CENPP: variants seen among roughly 807,000 people sequenced by gnomAD.
The protein encoded by CENPP is centromere protein P.
Under a neutral mutation model 35.6 loss-of-function variants are expected in CENPP, and 24 were observed. That is an observed-to-expected ratio of 0.67 (90% CI 0.49 to 0.95). The LOEUF is 0.95. Ranked by LOEUF, CENPP falls within the 40% of genes least tolerant of loss-of-function variation. The pLI, the probability that CENPP is intolerant of heterozygous loss-of-function variation, is 0.00. For synonymous variants in CENPP, 120 were observed against 125.5 expected (o/e 0.96, Z 0.29); for missense variants, 332 against 345.3 (o/e 0.96, Z 0.31).
intron 5 of CENPP, chr9:92,517,442 G>T: frequency 5.0e-6 from 3 of 600,748 alleles, no homozygotes; most frequent in Non-Finnish European, 8.8e-6. Flanking sequence ...GTCAAATGTG[G>T]AATGTAATCT....
chr9:92,407,370 A>G (rs1291091775), intron 5 of CENPP, among the ~76,000 whole-genome samples: 2 of 152,196 alleles, frequency 1.3e-5, no homozygotes, highest in Non-Finnish European at 2.9e-5. Flanking sequence ...CCTATCAGAA[A>G]TAACATAGAT....
chr9:92,522,446 A>C, intron 5 of CENPP: 3 of 1,064,956 alleles, frequency 2.8e-6, no homozygotes, highest in Non-Finnish European at 3.9e-6. Context: ...TAATATAATA[A>C]CCTGGATTTT....
At chr9:92,493,580 T>G (rs896368808) in intron 5 of CENPP, 10 of 152,302 alleles carry the variant, frequency 6.6e-5, no homozygotes, top group African/African-American at 2.4e-4. Flanking sequence ...AGGACTTCTT[T>G]AGTGTATATG....
intron 5 of CENPP, among the ~76,000 whole-genome samples, chr9:92,444,487 G>A (rs569401637): frequency 5.9e-5 from 9 of 151,474 alleles, no homozygotes; most frequent in East Asian, 1.9e-4. Context: ...TGGACAAAAC[G>A]TTTTAATTTT....
chr9:92,503,678 T>C (rs998125344), intron 5 of CENPP, among the ~76,000 whole-genome samples: 2 of 152,240 alleles, frequency 1.3e-5, no homozygotes, highest in Admixed American at 1.3e-4. Context: ...CTGGCATATA[T>C]CTTTAGTGTC....
intron 6 of CENPP, among the ~76,000 whole-genome samples, chr9:92,611,818 C>T (rs1017461570): frequency 1.3e-5 from 2 of 152,236 alleles, no homozygotes; most frequent in Non-Finnish European, 2.9e-5. Context: ...CACCCTGGCC[C>T]GTGCCGTGTT....
At chr9:92,462,682 A>C (rs189024647) in intron 5 of CENPP, among the ~76,000 whole-genome samples, 1 of 152,360 alleles carries the variant, frequency 6.6e-6, no homozygotes, top group African/African-American at 2.4e-5. Flanking sequence ...TTTTAAAATA[A>C]ATAAACTAGG....
intron 5 of CENPP, among the ~76,000 whole-genome samples, chr9:92,598,177 G>T (rs533774378): frequency 2.0e-5 from 3 of 152,310 alleles, no homozygotes; most frequent in East Asian, 1.9e-4. Context: ...TTCTTTGGGG[G>T]TGTGGGTTTT....
intron 5 of CENPP, among the ~76,000 whole-genome samples, chr9:92,592,020 T>C (rs553713394): frequency 1.2e-3 from 176 of 152,138 alleles, no homozygotes; most frequent in African/African-American, 4.0e-3. Flanking sequence ...AACCTGCACA[T>C]TGTGCACATG....
intron 5 of CENPP, among the ~76,000 whole-genome samples, chr9:92,486,362 C>T (rs1265171833): frequency 6.6e-6 from 1 of 152,168 alleles, no homozygotes; most frequent in Middle Eastern, 3.2e-3. Context: ...TTCTAATGAA[C>T]TTATTTTATA....
chr9:92,496,252 T>A, intron 5 of CENPP: 2 of 1,510,938 alleles, frequency 1.3e-6, no homozygotes, highest in East Asian at 2.3e-5. Context: ...CTCTTATTAA[T>A]GACAAATGCA....
At chr9:92,440,158 A>G (rs1844349956) in intron 5 of CENPP, among the ~76,000 whole-genome samples, 1 of 152,122 alleles carries the variant, frequency 6.6e-6, no homozygotes. Context: ...CTCACCTCCC[A>G]TTAGTCACTT....
chr9:92,526,557 T>A (rs1848421670), intron 5 of CENPP, among the ~76,000 whole-genome samples: 1 of 147,394 alleles, frequency 6.8e-6, no homozygotes. Context: ...CCAAAATTAG[T>A]GGAAAAAAAG....
At chr9:92,412,975 C>CTTTTT (rs35323105) in intron 5 of CENPP, among the ~76,000 whole-genome samples, 4 of 45,244 alleles carry the variant, frequency 8.8e-5, no homozygotes, top group Non-Finnish European at 1.2e-4. Context: ...TGTAACTAAG[C>CTTTTT]TTTTTTTTTT....
rs957554570 is a variant in CENPP at position 92,386,430 on chromosome 9, A to G, written c.564+6571A>G. ...ATATTGATATGAATACATCAATTAT[A>G]TCAATTGTTCGTATGGTAGTTTCTT... On this transcript the variant is annotated intron_variant, in intron 5 of 7. Transcript: ENST00000375587. 1.2e-5 allele frequency: 7 copies of G among 600,404 alleles called. No individual in the cohort carries two copies. The African/African-American group carries it at 1.3e-4, about 11-fold the overall frequency. 37.2% of individuals were successfully genotyped at this position (600,404 alleles called of 1,614,324 possible).
At chr9:92,512,267 A>G (rs1847398629) in intron 5 of CENPP, 1 of 480,434 alleles carries the variant, frequency 2.1e-6, no homozygotes, top group South Asian at 3.8e-5. Context: ...CAGAATATAT[A>G]TTATATAACC....
rs1258029024 is a variant in CENPP, at chr9:92,476,361, C to A, written c.564+96502C>A. ...TGGATTTAAAAATCAAGAATGAATT[C>A]ATTAACTTAATAAATATCTTCATTT... On this transcript the variant is annotated intron_variant, in intron 5 of 7. Coordinates refer to ENST00000375587, the MANE Select transcript of CENPP (RefSeq NM_001012267.3). This position sits in a 1 kb window ranked among gnomAD's most constrained non-coding sequence, Gnocchi z 4.1. 6.6e-6 allele frequency among the ~76,000 whole-genome samples: 1 copy of A among 152,182 alleles called. No individual in the cohort carries two copies. Among genetic ancestry groups the A allele is most frequent in the Non-Finnish European group, 1.5e-5 (1 of 68,030 alleles).
intron 5 of CENPP, among the ~76,000 whole-genome samples, chr9:92,388,211 T>G (rs1023998526): frequency 2.0e-5 from 3 of 151,654 alleles, no homozygotes; most frequent in African/African-American, 7.3e-5. Context: ...CAGGCTGGAG[T>G]GCAGTGGTAC....
At chr9:92,391,505 A>G (rs1266170989) in intron 5 of CENPP, among the ~76,000 whole-genome samples, 1 of 152,158 alleles carries the variant, frequency 6.6e-6, no homozygotes, top group African/African-American at 2.4e-5. Flanking sequence ...AGACTGAGGG[A>G]CAAGAATCCC....
Sources: gnomAD v4.1 joint callset for allele counts (sites outside exome capture counted in the v4.1 genomes callset) on GRCh38, gnomAD v4.1.1 for gene constraint, Gnocchi (gnomAD v3.1) non-coding constraint, MANE v1.5 for transcripts, NCBI Gene and HGNC (gene_info 2026-07-23, HGNC 2026-07-21) for gene names.